USP15: variants seen among roughly 807,000 people sequenced by gnomAD.
USP15 encodes ubiquitin carboxyl-terminal hydrolase 15.
In USP15, 18 loss-of-function variants were observed where a neutral mutation model predicts 127.1. The observed-to-expected ratio is 0.14, with a 90% confidence interval of 0.10 to 0.21. The LOEUF (loss-of-function observed/expected upper bound fraction) is 0.21, where lower values mean the gene tolerates loss of function less well. Ranked by LOEUF, USP15 falls within the 10% of genes least tolerant of loss-of-function variation. The pLI, the probability that USP15 is intolerant of heterozygous loss-of-function variation, is 1.00. For synonymous variants in USP15, 364 were observed against 393.7 expected, an observed-to-expected ratio of 0.92 and a Z score of 0.89; for missense variants, 805 against 1,159.9, an observed-to-expected ratio of 0.69 and a Z score of 4.44.
chr12:62,368,656 G>T (rs545375888), intron 8 of USP15, among the ~76,000 whole-genome samples: 1 of 152,040 alleles, frequency 6.6e-6, no homozygotes, highest in East Asian at 1.9e-4. Flanking sequence ...TTTCCATTTG[G>T]TTGGTAAATA....
chr12:62,285,747 A>T (rs12815247), intron 1 of USP15, among the ~76,000 whole-genome samples: 1 of 152,180 alleles, frequency 6.6e-6, no homozygotes, highest in Non-Finnish European at 1.5e-5. Flanking sequence ...TGATAAACAT[A>T]CAAGTGCAGG....
At chr12:62,335,070 G>T (rs1031751427) in intron 6 of USP15, 5 of 1,213,546 alleles carry the variant, frequency 4.1e-6, no homozygotes, top group African/African-American at 3.0e-5. Flanking sequence ...GTTACACCTA[G>T]CCCAAACTGG....
rs553762664 is a variant in USP15 at position 62,365,184 on chromosome 12, A to G, written c.915+9709A>G. Among the ~76,000 whole-genome samples, 164 of 152,312 alleles carry G rather than the reference A, an allele frequency of 1.1e-3. 3 individuals are homozygous for G. In the South Asian group the frequency reaches 0.012, roughly 12 times the overall value. Reference sequence around the variant, plus strand: ...TTTACACTCCCACCAACAGTGTAAAAGCATTCCTATTTCTCCACATCCTTT... The same window carrying G: ...TTTACACTCCCACCAACAGTGTAAAGGCATTCCTATTTCTCCACATCCTTT... On this transcript the variant is annotated intron_variant, in intron 8 of 21. Coordinates refer to ENST00000280377, the MANE Select transcript of USP15 (RefSeq NM_001252078.2).
At chr12:62,328,960 G>C (rs1388541125) in intron 6 of USP15, among the ~76,000 whole-genome samples, 1 of 152,006 alleles carries the variant, frequency 6.6e-6, no homozygotes, top group Admixed American at 6.6e-5. Flanking sequence ...TAGGAGTACT[G>C]GCTATTTGGA....
chr12:62,318,625 A>C (rs566673133), intron 4 of USP15, among the ~76,000 whole-genome samples: 51 of 152,186 alleles, frequency 3.4e-4, no homozygotes, highest in Non-Finnish European at 6.5e-4. Flanking sequence ...ATGTGTTGAT[A>C]TCTTTTAAGT....
At chr12:62,280,005 A>G (rs955488076) in intron 1 of USP15, among the ~76,000 whole-genome samples, 1 of 152,124 alleles carries the variant, frequency 6.6e-6, no homozygotes, top group African/African-American at 2.4e-5. Context: ...ACCTTGGGCA[A>G]GTTAATTTCT....
intron 1 of USP15, among the ~76,000 whole-genome samples, chr12:62,292,486 C>T (rs889012397): frequency 2.6e-5 from 4 of 152,204 alleles, no homozygotes; most frequent in African/African-American, 9.7e-5. Context: ...GCAGTTGCCC[C>T]TCACAGCTTC....
At chr12:62,393,289 T>C in intron 19 of USP15, 87 bp downstream of exon 19, 1 of 1,475,194 alleles carries the variant, frequency 6.8e-7, no homozygotes, top group Non-Finnish European at 9.1e-7. Flanking sequence ...TTAGTAAACA[T>C]CAGGTGCCAT....
chr12:62,319,561 C>T (rs577951809), intron 4 of USP15, among the ~76,000 whole-genome samples: 1 of 152,234 alleles, frequency 6.6e-6, no homozygotes, highest in African/African-American at 2.4e-5. Context: ...CTCATTTCTA[C>T]CTCACTTATT....
intron 8 of USP15, among the ~76,000 whole-genome samples, chr12:62,366,626 G>A (rs547396559): frequency 1.3e-5 from 2 of 152,240 alleles, no homozygotes; most frequent in African/African-American, 4.8e-5. Flanking sequence ...CCTGTCTTGT[G>A]CCAGTTTTCA....
intron 2 of USP15, among the ~76,000 whole-genome samples, chr12:62,297,581 T>G (rs1383708064): frequency 2.0e-5 from 3 of 152,074 alleles, no homozygotes; most frequent in African/African-American, 7.2e-5. Context: ...AATCAACAAA[T>G]CCTTCTAATT....
intron 3 of USP15, among the ~76,000 whole-genome samples, chr12:62,314,458 G>C (rs2064773411): frequency 6.6e-6 from 1 of 151,568 alleles, no homozygotes; most frequent in African/African-American, 2.4e-5. Flanking sequence ...AGTCATTTTG[G>C]GTAATCTTTC....
chr12:62,397,002 T>C (rs1306776714), intron 20 of USP15, among the ~76,000 whole-genome samples: 1 of 152,200 alleles, frequency 6.6e-6, no homozygotes, highest in East Asian at 1.9e-4. Flanking sequence ...AGTGAGTAAG[T>C]GTTGCCAGAT....
chr12:62,310,879 C>T (rs1028389790), intron 3 of USP15, among the ~76,000 whole-genome samples: 13 of 152,086 alleles, frequency 8.5e-5, no homozygotes, highest in African/African-American at 2.9e-4. Flanking sequence ...TCCGCATCTT[C>T]GCTAACATCT....
intron 1 of USP15, among the ~76,000 whole-genome samples, chr12:62,290,161 T>A (rs770977113): frequency 6.6e-6 from 1 of 152,176 alleles, no homozygotes; most frequent in Non-Finnish European, 1.5e-5. Flanking sequence ...TTCTGGTGTT[T>A]CTTTGTTGGT....
At chr12:62,289,733 G>GTC (rs2063901771) in intron 1 of USP15, among the ~76,000 whole-genome samples, 1 of 151,330 alleles carries the variant, frequency 6.6e-6, no homozygotes, top group Non-Finnish European at 1.5e-5. Flanking sequence ...GTGTGTGTGT[G>GTC]TGTGTTTAGA....
chr12:62,293,396 G>A (rs1442362799), intron 1 of USP15, among the ~76,000 whole-genome samples: 2 of 151,804 alleles, frequency 1.3e-5, no homozygotes, highest in African/African-American at 2.4e-5. Flanking sequence ...TCTCTCTGTC[G>A]CCCAGGCTGG....
chr12:62,414,053 C>G lies in USP15; in HGVS notation c.*9678C>G, dbSNP rs1266630185. On this transcript the variant is annotated 3_prime_UTR_variant, in exon 22 of 22. Coordinates refer to ENST00000280377, the MANE Select transcript of USP15 (RefSeq NM_001252078.2). ...GAGAGGGAGAGAGATGGGGAATGGC[C>G]AGTGGAGCAGTTGGAACACACACGT... 1.2e-4 allele frequency: 19 copies of G among 152,144 alleles called. No individual in the cohort carries two copies. Among genetic ancestry groups the G allele is most frequent in the Non-Finnish European group, 1.5e-5 (1 of 68,060 alleles). The allele number at this position is 152,144 out of a possible 1,614,324, so 9.4% of individuals were successfully genotyped here.
intron 2 of USP15, among the ~76,000 whole-genome samples, chr12:62,297,482 A>C (rs2064166333): frequency 6.6e-6 from 1 of 152,214 alleles, no homozygotes; most frequent in African/African-American, 2.4e-5. Context: ...AGAGGGAGAC[A>C]AGTGGGATGT....
Sources: allele counts gnomAD v4.1 joint callset (sites outside exome capture counted in the v4.1 genomes callset), GRCh38; gene constraint gnomAD v4.1.1; transcripts MANE v1.5; gene names NCBI Gene and HGNC (gene_info 2026-07-23, HGNC 2026-07-21).